Variants in PAK3 observed in about 807,000 individuals in gnomAD.
PAK3 encodes the protein p21 (RAC1) activated kinase 3.
PAK3 carries 4 observed loss-of-function variants against 41.0 expected under a neutral mutation model. The observed-to-expected ratio is 0.10, with a 90% CI of 0.05 to 0.22. PAK3 has a LOEUF of 0.22. PAK3 is among the 10% of genes least tolerant of loss of function. The pLI is 1.00. For missense variants in PAK3, 205 were observed against 409.9 expected, an observed-to-expected ratio of 0.50 and a Z score of 4.32; for synonymous variants, 146 against 139.6, an observed-to-expected ratio of 1.05 and a Z score of -0.32.
Position 111,223,875 on chromosome X carries a change from A to T in PAK3, c.*3428A>T, listed in dbSNP as rs2094939909. On this transcript the variant is annotated 3_prime_UTR_variant, in exon 18 of 18. Transcript: ENST00000372007. ...ACTATGTAAAAAGAAATGCATATGG[A>T]CAAAGACTGGGAACACAGATAATTG... 1 of 112,272 alleles carries T rather than the reference A, an allele frequency of 8.9e-6. No individual in the cohort carries two copies. Among genetic ancestry groups the T allele is most frequent in the Non-Finnish European group, 1.9e-5 (1 of 53,307 alleles). 9.3% of individuals were successfully genotyped at this position (112,272 alleles called of 1,213,427 possible). A position where few individuals can be genotyped will look rare whatever the true frequency, so the allele number is the denominator to read the frequency against.
intron 4 of PAK3, among the ~76,000 whole-genome samples, chrX:111,109,072 A>G (rs6642863): frequency 0.011 from 1,199 of 111,723 alleles, 17 homozygotes; most frequent in African/African-American, 0.037. Flanking sequence ...AATTATCCCC[A>G]TTGCTTCTTA....
upstream of PAK3, chrX:111,096,179 A>T (rs1312747520): frequency 8.9e-6 from 1 of 112,222 alleles, no homozygotes; most frequent in Non-Finnish European, 1.9e-5. Flanking sequence ...GCGGTTGCCG[A>T]GCAGGGGCTC....
intron 5 of PAK3, among the ~76,000 whole-genome samples, chrX:111,136,918 G>A (rs149516306): frequency 0.076 from 8,491 of 111,518 alleles, 830 homozygotes; most frequent in African/African-American, 0.26. Context: ...CTGATGTGCA[G>A]CCCTGCTTGA....
At chrX:111,012,999 G>A (rs1259830554) in intron 1 of PAK3, among the ~76,000 whole-genome samples, 1 of 111,301 alleles carries the variant, frequency 9.0e-6, no homozygotes, top group African/African-American at 3.3e-5. Context: ...TCCCAGGTTG[G>A]GCCGAAGCAA....
Position 111,163,651 on chromosome X carries a change from C to G in PAK3, c.690C>G (p.Ser230=). The G allele has an allele frequency of 8.3e-7, 1 of 1,199,570 alleles. No individual in the cohort carries two copies. Among genetic ancestry groups the G allele is most frequent in the Non-Finnish European group, 1.1e-6 (1 of 884,593 alleles). Residue 230 remains serine (S), a synonymous_variant, in exon 10 of 18, where the codon TCC becomes TCG. Transcript: ENST00000372007. ...CACCCTCTGCTGAAAATGCCAATTC[C>G]AGTACTTTGTACAGGAACACAGATC... is the stretch of plus-strand genomic sequence containing the variant. The part of the protein sequence containing the change: ...VTPPSAENAN[S]STLYRNTDRQ...
chrX:111,225,985 T>G lies in PAK3; in HGVS notation c.*5538T>G, dbSNP rs1416903818. 1.8e-5 allele frequency: 2 copies of G among 111,163 alleles called. No individual in the cohort carries two copies. The highest frequency in any genetic ancestry group is 6.5e-5 in the African/African-American group (2 of 30,567). The allele number at this position is 111,163 out of a possible 1,213,427, so 9.2% of individuals were successfully genotyped here. On this transcript the variant is annotated 3_prime_UTR_variant, in exon 18 of 18. Coordinates refer to ENST00000372007, the MANE Select transcript of PAK3 (RefSeq NM_002578.5). ...TGAGGTCAGGAGTTCGAGACCAGCC[T>G]GACCAACATAGAGAAACCCCATCTC...
At chrX:111,139,033 A>G (rs1255580342) in intron 5 of PAK3, among the ~76,000 whole-genome samples, 1 of 111,210 alleles carries the variant, frequency 9.0e-6, no homozygotes, top group Non-Finnish European at 1.9e-5. Flanking sequence ...TGATCTAGCC[A>G]CAGAGTAGAG....
chrX:111,060,707 C>A (rs1314203091), intron 1 of PAK3, among the ~76,000 whole-genome samples: 2 of 111,499 alleles, frequency 1.8e-5, no homozygotes, highest in African/African-American at 3.3e-5. Flanking sequence ...ACATTTTCCA[C>A]CCCAGGACAT....
At chrX:111,124,473 A>G (rs898408828) in intron 5 of PAK3, among the ~76,000 whole-genome samples, 1 of 112,020 alleles carries the variant, frequency 8.9e-6, no homozygotes, top group Non-Finnish European at 1.9e-5. Flanking sequence ...TTTGACAGTT[A>G]TGCCAAAGAA....
chrX:111,071,457 T>C (rs2092743769), intron 1 of PAK3, among the ~76,000 whole-genome samples: 1 of 111,895 alleles, frequency 8.9e-6, no homozygotes, highest in African/African-American at 3.2e-5. Context: ...AATGTACATA[T>C]GGAATTTAGC....
intron 1 of PAK3, among the ~76,000 whole-genome samples, chrX:110,977,938 A>T (rs1444279749): frequency 1.8e-5 from 2 of 111,983 alleles, no homozygotes; most frequent in East Asian, 5.6e-4. Context: ...TACAATGTTG[A>T]CTAGAAACGA....
chrX:111,027,482 A>G (rs1220973840), intron 1 of PAK3, among the ~76,000 whole-genome samples: 1 of 111,974 alleles, frequency 8.9e-6, no homozygotes, highest in African/African-American at 3.2e-5. Flanking sequence ...AAAAAAACAA[A>G]CAATCCCATC....
At chrX:111,219,872 C>T (rs1231337551) in intron 17 of PAK3, among the ~76,000 whole-genome samples, 1 of 110,566 alleles carries the variant, frequency 9.0e-6, no homozygotes, top group Non-Finnish European at 1.9e-5. Context: ...TCACAGGCTT[C>T]TGAGGCAAAA....
intron 16 of PAK3, 115 bp downstream of exon 16, chrX:111,196,755 T>C (rs2094616858): frequency 4.1e-6 from 2 of 485,100 alleles, no homozygotes; most frequent in South Asian, 3.6e-5. Flanking sequence ...ACCAGTAACA[T>C]AGAAGCACCA....
intron 11 of PAK3, among the ~76,000 whole-genome samples, chrX:111,183,125 G>C (rs1481070398): frequency 8.9e-6 from 1 of 111,878 alleles, no homozygotes; most frequent in African/African-American, 3.2e-5. Context: ...TGGAGAGAAA[G>C]TAATGCATTT....
chrX:111,033,358 G>A (rs1227537405), intron 1 of PAK3, among the ~76,000 whole-genome samples: 2 of 111,616 alleles, frequency 1.8e-5, no homozygotes, highest in African/African-American at 3.3e-5. Context: ...ACACACGCAG[G>A]TATTCATAAT....
chrX:110,992,272 GC>G (rs765969692), intron 1 of PAK3, among the ~76,000 whole-genome samples: 207 of 111,576 alleles, frequency 1.9e-3, no homozygotes, highest in African/African-American at 6.4e-3. Flanking sequence ...CTGCCAAGAA[GC>G]CCATGTTGCA....
At chrX:110,978,761 C>T (rs2091390773) in intron 1 of PAK3, among the ~76,000 whole-genome samples, 1 of 101,044 alleles carries the variant, frequency 9.9e-6, no homozygotes, top group South Asian at 4.6e-4. Context: ...CTCTCTCTCT[C>T]TCTTTCTTTC....
intron 1 of PAK3, among the ~76,000 whole-genome samples, chrX:111,077,279 G>A (rs1207422682): frequency 2.7e-5 from 3 of 111,410 alleles, no homozygotes; most frequent in Non-Finnish European, 5.7e-5. Flanking sequence ...AAATTCCAAT[G>A]ATATTTTTTC....
Sources: allele counts gnomAD v4.1 joint callset (sites outside exome capture counted in the v4.1 genomes callset), GRCh38; gene constraint gnomAD v4.1.1; transcripts MANE v1.5; gene names NCBI Gene and HGNC (gene_info 2026-07-23, HGNC 2026-07-21).